SLC35F4: variants seen among roughly 807,000 people sequenced by gnomAD.
The protein encoded by SLC35F4 is solute carrier family 35 member F4, also known as chromosome 14 open reading frame 36.
In SLC35F4, 24 loss-of-function variants were observed where a neutral mutation model predicts 44.2. The ratio of observed to expected loss-of-function variants is 0.54; its 90% confidence interval spans 0.39 to 0.76. The LOEUF (loss-of-function observed/expected upper bound fraction) is 0.76. SLC35F4 is among the 30% of genes least tolerant of loss of function. SLC35F4 has a pLI of 0.00. For missense variants in SLC35F4, 562 were observed against 586.1 expected (o/e 0.96, Z 0.42); for synonymous variants, 238 against 223.6 (o/e 1.06, Z -0.57).
chr14:57,667,045 T>C (rs972744161), intron 1 of SLC35F4, among the ~76,000 whole-genome samples: 24 of 151,402 alleles, frequency 1.6e-4, no homozygotes, highest in Non-Finnish European at 3.1e-4. Context: ...CATGTGACTT[T>C]TGAGTTAGGC....
intron 4 of SLC35F4, among the ~76,000 whole-genome samples, chr14:57,576,256 T>C (rs2068784924): frequency 6.6e-6 from 1 of 152,210 alleles, no homozygotes; most frequent in Non-Finnish European, 1.5e-5. Flanking sequence ...AATCCAAACA[T>C]GTTTCCTTAC....
intron 1 of SLC35F4, among the ~76,000 whole-genome samples, chr14:57,658,312 T>A (rs942173806): frequency 7.2e-5 from 11 of 152,344 alleles, no homozygotes; most frequent in African/African-American, 2.6e-4. Flanking sequence ...ATAAAACTGA[T>A]GCCAAATATG....
At chr14:57,620,252 G>T (rs2072101856) in intron 1 of SLC35F4, among the ~76,000 whole-genome samples, 1 of 152,124 alleles carries the variant, frequency 6.6e-6, no homozygotes, top group African/African-American at 2.4e-5. Flanking sequence ...ATTCACCAAG[G>T]TTGAAATGAA....
chr14:57,965,587 A>G (rs1213245786), intron 1 of SLC35F4, among the ~76,000 whole-genome samples: 1 of 152,202 alleles, frequency 6.6e-6, no homozygotes, highest in Non-Finnish European at 1.5e-5. Context: ...TGGGACTGAT[A>G]ATCCTAAATT....
intron 1 of SLC35F4, among the ~76,000 whole-genome samples, chr14:57,699,676 C>G (rs1215620008): frequency 1.3e-5 from 2 of 152,144 alleles, no homozygotes; most frequent in African/African-American, 4.8e-5. Flanking sequence ...AAAAGGCACC[C>G]CTCTTTTGGG....
chr14:57,721,045 A>G (rs1424239006), intron 1 of SLC35F4, among the ~76,000 whole-genome samples: 10 of 145,448 alleles, frequency 6.9e-5, no homozygotes, highest in Non-Finnish European at 1.5e-4. Flanking sequence ...ATATATATAT[A>G]TATCTCCTAT....
chr14:57,964,621 T>G (rs895254042), intron 1 of SLC35F4, among the ~76,000 whole-genome samples: 19 of 152,200 alleles, frequency 1.2e-4, no homozygotes, highest in African/African-American at 4.6e-4. Flanking sequence ...ATTATTTTCC[T>G]GGGAGGAAGG....
chr14:57,920,560 G>A (rs1477458139), intron 1 of SLC35F4, among the ~76,000 whole-genome samples: 5 of 152,166 alleles, frequency 3.3e-5, no homozygotes, highest in Non-Finnish European at 1.5e-5. Flanking sequence ...GCAACAGAGT[G>A]AGAGCCTGTC....
Position 57,569,899 on chromosome 14 carries a change from T to G in SLC35F4, c.1015A>C (p.Ile339Leu). Residue 339 changes from isoleucine to leucine, a missense_variant, in exon 6 of 8, where the codon ATC (isoleucine) becomes CTC (leucine). Ile to Leu is a conservative substitution (Grantham distance 5). Coordinates refer to ENST00000556826, the MANE Select transcript of SLC35F4 (RefSeq NM_001306087.2). ...FVSTLGFFNL[I>L]FISFTPVILY... Reference sequence around the variant, plus strand: ...ATGACTGGGGTGAAGGAGATGAAGATCAAATTGAAGAAACCCAAGGTGGAG... The same window carrying G: ...ATGACTGGGGTGAAGGAGATGAAGAGCAAATTGAAGAAACCCAAGGTGGAG... The G allele has an allele frequency of 6.2e-7, 1 of 1,612,386 alleles. No individual in the cohort carries two copies. Among genetic ancestry groups the G allele is most frequent in the Non-Finnish European group, 8.5e-7 (1 of 1,179,380 alleles).
At chr14:57,575,313 C>G (rs1436371457) in intron 4 of SLC35F4, among the ~76,000 whole-genome samples, 1 of 152,108 alleles carries the variant, frequency 6.6e-6, no homozygotes, top group East Asian at 1.9e-4. Flanking sequence ...ACCCCCATCT[C>G]TACTAAAAAT....
intron 1 of SLC35F4, among the ~76,000 whole-genome samples, chr14:57,642,616 A>G (rs2073304040): frequency 6.6e-6 from 1 of 151,974 alleles, no homozygotes; most frequent in Non-Finnish European, 1.5e-5. Flanking sequence ...GATGTTTTCA[A>G]TGTTGATATT....
chr14:57,835,696 A>C (rs1055966747), intron 1 of SLC35F4, among the ~76,000 whole-genome samples: 2 of 152,222 alleles, frequency 1.3e-5, no homozygotes, highest in African/African-American at 4.8e-5. Context: ...CCTGGAGGAC[A>C]GGCCAAACTC....
At chr14:57,830,348 T>A (rs375047714) in intron 1 of SLC35F4, among the ~76,000 whole-genome samples, 1 of 152,230 alleles carries the variant, frequency 6.6e-6, no homozygotes, top group Admixed American at 6.5e-5. Context: ...AATGAAATAA[T>A]GTATGTTAAC....
rs77461820 is a variant in SLC35F4 at position 57,915,224 on chromosome 14, G to A, written n.282+66689C>T. On this transcript the variant is annotated intron_variant and non_coding_transcript_variant, in intron 1 of 1. Transcript: ENST00000556568. ...GAGCACAAAGCTACGCCCATCCTTT[G>A]AAACTATTCTGCCTTTTAGAGCTCT... Among the ~76,000 whole-genome samples the A allele has an allele frequency of 7.5e-3, 1,142 of 152,238 alleles. 3 individuals carry two copies. The highest frequency in any genetic ancestry group is 0.012 in the Non-Finnish European group (823 of 68,020).
At chr14:57,681,075 G>C (rs1005436714) in intron 1 of SLC35F4, among the ~76,000 whole-genome samples, 1 of 151,970 alleles carries the variant, frequency 6.6e-6, no homozygotes, top group African/African-American at 2.4e-5. Context: ...ACAATCCTAA[G>C]CAAAAAGAAC....
intron 1 of SLC35F4, among the ~76,000 whole-genome samples, chr14:57,841,356 G>T (rs916062030): frequency 6.6e-6 from 1 of 152,140 alleles, no homozygotes; most frequent in East Asian, 1.9e-4. Context: ...GAAGACCTAG[G>T]TTGGACATTA....
chr14:57,626,508 TC>T (rs1301355833), intron 1 of SLC35F4, among the ~76,000 whole-genome samples: 1 of 152,020 alleles, frequency 6.6e-6, no homozygotes, highest in Non-Finnish European at 1.5e-5. Flanking sequence ...CTTCAGGAGG[TC>T]CTGAAATACT....
At chr14:57,619,722 G>A (rs2072068839) in intron 1 of SLC35F4, among the ~76,000 whole-genome samples, 1 of 152,094 alleles carries the variant, frequency 6.6e-6, no homozygotes, top group African/African-American at 2.4e-5. Flanking sequence ...GCTTCAGAAG[G>A]TGGGTAATAA....
chr14:57,779,046 C>T (rs1370208549), intron 1 of SLC35F4, among the ~76,000 whole-genome samples: 1 of 152,006 alleles, frequency 6.6e-6, no homozygotes, highest in Non-Finnish European at 1.5e-5. Flanking sequence ...AACAACCTAA[C>T]ATCACAACTA....
Sources: allele counts gnomAD v4.1 joint callset (sites outside exome capture counted in the v4.1 genomes callset), GRCh38; gene constraint gnomAD v4.1.1; transcripts MANE v1.5; gene names NCBI Gene and HGNC (gene_info 2026-07-23, HGNC 2026-07-21).